PTPRO: variants seen among roughly 807,000 people sequenced by gnomAD.
PTPRO encodes receptor-type tyrosine-protein phosphatase O.
Under a neutral mutation model 145.2 loss-of-function variants are expected in PTPRO, and 62 were observed. The observed-to-expected ratio is 0.43, with a 90% CI of 0.35 to 0.53. PTPRO has a LOEUF of 0.53. Ranked by LOEUF, PTPRO falls within the 20% of genes least tolerant of loss-of-function variation. PTPRO has a pLI of 0.01. For missense variants in PTPRO, 1,345 were observed against 1,482.7 expected (o/e 0.91, Z 1.53); for synonymous variants, 565 against 514.7 (o/e 1.10, Z -1.32).
chr12:15,399,276 CAT>C (rs1398155740), intron 1 of PTPRO, among the ~76,000 whole-genome samples: 1 of 152,220 alleles, frequency 6.6e-6, no homozygotes, highest in Non-Finnish European at 1.5e-5. Context: ...GAGCTTTTTA[CAT>C]ATATTAACAT....
rs71042254 is a variant in PTPRO at position 15,467,409 on chromosome 12, A to AGTGTGTGTGTGTGT, written c.76-16556_76-16543dup. On this transcript the variant is annotated intron_variant, in intron 1 of 26. Transcript: ENST00000281171. ...CTTTTATGGTAGTGAGGTAGGGGTG[A>AGTGTGTGTGTGTGT]GTGTGTGTGTGTGTGTGTGTGTATG... 1.2e-3 allele frequency among the ~76,000 whole-genome samples: 179 copies of AGTGTGTGTGTGTGT among 150,102 alleles called. 2 individuals are homozygous for AGTGTGTGTGTGTGT. In the East Asian group the frequency reaches 0.026, roughly 22 times the overall value.
At chr12:15,454,172 C>A (rs1192727401) in intron 1 of PTPRO, among the ~76,000 whole-genome samples, 1 of 152,158 alleles carries the variant, frequency 6.6e-6, no homozygotes, top group Non-Finnish European at 1.5e-5. Flanking sequence ...ATAGATGCAG[C>A]ACCATTTTTC....
chr12:15,329,403 C>A (rs915991870), intron 1 of PTPRO, among the ~76,000 whole-genome samples: 5 of 152,212 alleles, frequency 3.3e-5, no homozygotes, highest in Admixed American at 2.6e-4. Context: ...TACTTACTTT[C>A]TGAATCAATA....
intron 7 of PTPRO, 53 bp from the exon 8 acceptor site, chr12:15,515,445 A>C (rs1352931740): frequency 6.2e-7 from 1 of 1,604,870 alleles, no homozygotes. Context: ...GCCTCTGTGT[A>C]ACATTCTGAA....
chr12:15,368,836 C>A (rs59484937), intron 1 of PTPRO, among the ~76,000 whole-genome samples: 1 of 152,030 alleles, frequency 6.6e-6, no homozygotes, highest in African/African-American at 2.4e-5. Context: ...TTAAGTGGAC[C>A]TGTTATATTT....
chr12:15,589,541 G>A lies in PTPRO; in HGVS notation c.3497G>A (p.Gly1166Glu). ...IRDHEFVDILGLVSEMRSYRM... is the reference protein window; with the variant it reads ...IRDHEFVDILELVSEMRSYRM... Reference sequence around the variant, plus strand: ...GATCATGAGTTTGTTGACATCTTAGGGCTGGTGTCAGAAATGAGGTCATAC... The same window carrying A: ...GATCATGAGTTTGTTGACATCTTAGAGCTGGTGTCAGAAATGAGGTCATAC... Residue 1166 changes from glycine (G) to glutamate (E), a missense_variant, in exon 25 of 27, where the codon GGG (glycine) becomes GAG (glutamate). Gly to Glu is a moderately conservative substitution (Grantham distance 98). Around this residue, in one of 3 missense-constraint regions of PTPRO, gnomAD observed 208 missense variants for 242.8 expected, o/e 0.86. Transcript: ENST00000281171. 2 of 1,614,076 alleles carry A rather than the reference G, an allele frequency of 1.2e-6. No homozygotes were observed. Among genetic ancestry groups the A allele is most frequent in the South Asian group, 2.2e-5 (2 of 91,068 alleles).
chr12:15,522,775 C>A (rs1167455376), intron 10 of PTPRO, among the ~76,000 whole-genome samples: 2 of 152,154 alleles, frequency 1.3e-5, no homozygotes, highest in Admixed American at 6.5e-5. Context: ...CAAATAGTGA[C>A]ATCTTGTGGC....
chr12:15,440,044 C>A, intron 1 of PTPRO: 5 of 651,924 alleles, frequency 7.7e-6, no homozygotes, highest in Non-Finnish European at 1.4e-5. Flanking sequence ...GTAACAAGAT[C>A]TGCAAGCCCC....
At chr12:15,383,036 C>T (rs1315850967) in intron 1 of PTPRO, among the ~76,000 whole-genome samples, 2 of 152,178 alleles carry the variant, frequency 1.3e-5, no homozygotes, top group Non-Finnish European at 2.9e-5. Flanking sequence ...ATAATCACCA[C>T]ACTGTGCAAT....
chr12:15,498,636 A>C lies in PTPRO; in HGVS notation c.509-806A>C, dbSNP rs11056526. Among the ~76,000 whole-genome samples, 792 of 149,432 alleles carry C rather than the reference A, an allele frequency of 5.3e-3. 54 individuals are homozygous for C. In the East Asian group the frequency reaches 0.14, roughly 26 times the overall value. Reference sequence around the variant, plus strand: ...TAAACTTTGAAAAAATCAAAGAAACACAAATTCCACAAAGTATTATGTTCT... The same window carrying C: ...TAAACTTTGAAAAAATCAAAGAAACCCAAATTCCACAAAGTATTATGTTCT... On this transcript the variant is annotated intron_variant, in intron 3 of 26. Transcript: ENST00000281171.
chr12:15,445,724 T>C (rs902478076), intron 1 of PTPRO, among the ~76,000 whole-genome samples: 1 of 152,150 alleles, frequency 6.6e-6, no homozygotes, highest in Non-Finnish European at 1.5e-5. Context: ...AGAAAAAAAA[T>C]TACTTCATTA....
chr12:15,455,459 A>G (rs779658548), intron 1 of PTPRO, among the ~76,000 whole-genome samples: 4 of 152,192 alleles, frequency 2.6e-5, no homozygotes, highest in Non-Finnish European at 5.9e-5. Flanking sequence ...TTTGAACAAT[A>G]TTAAGTCTTC....
At chr12:15,566,875 G>T (rs1943912922) in intron 18 of PTPRO, among the ~76,000 whole-genome samples, 1 of 152,144 alleles carries the variant, frequency 6.6e-6, no homozygotes, top group Admixed American at 6.5e-5. Flanking sequence ...AACTGATGTA[G>T]GAGAGATAAG....
chr12:15,488,155 T>C (rs982206435), intron 2 of PTPRO, among the ~76,000 whole-genome samples: 1 of 152,190 alleles, frequency 6.6e-6, no homozygotes, highest in African/African-American at 2.4e-5. Flanking sequence ...AGAAGTGATG[T>C]TGTCCTGGGG....
chr12:15,569,861 T>G lies in PTPRO; in HGVS notation c.2829+363T>G, dbSNP rs569258016. Among the ~76,000 whole-genome samples, 12 of 152,340 alleles carry G rather than the reference T, an allele frequency of 7.9e-5. No individual in the cohort carries two copies. In the East Asian group the frequency reaches 1.7e-3, roughly 22 times the overall value. On this transcript the variant is annotated intron_variant, in intron 19 of 26. Coordinates refer to ENST00000281171, the MANE Select transcript of PTPRO (RefSeq NM_030667.3). ...CCTTTCAGGGGATTTGTAGTGTTTC[T>G]CATGCTTCTTAGGCCACAGTAGTGG...
At chr12:15,413,183 C>A (rs1000205089) in intron 1 of PTPRO, among the ~76,000 whole-genome samples, 1 of 152,124 alleles carries the variant, frequency 6.6e-6, no homozygotes, top group Non-Finnish European at 1.5e-5. Context: ...CTCTGCCCCC[C>A]AGGTTCAAGC....
intron 10 of PTPRO, among the ~76,000 whole-genome samples, chr12:15,521,568 T>C (rs1306986290): frequency 6.6e-6 from 1 of 152,190 alleles, no homozygotes; most frequent in Non-Finnish European, 1.5e-5. Flanking sequence ...AGCTCAGATG[T>C]AACATCTCAA....
intron 9 of PTPRO, among the ~76,000 whole-genome samples, chr12:15,517,950 C>G (rs1337112180): frequency 6.6e-6 from 1 of 152,204 alleles, no homozygotes; most frequent in Non-Finnish European, 1.5e-5. Context: ...AGGATGGTGA[C>G]CCTCTTCTCA....
At chr12:15,396,397 C>T (rs1254197470) in intron 1 of PTPRO, among the ~76,000 whole-genome samples, 1 of 151,870 alleles carries the variant, frequency 6.6e-6, no homozygotes, top group Admixed American at 6.6e-5. Flanking sequence ...CTGATAAAAA[C>T]ATAAATTTCT....
Sources: allele counts gnomAD v4.1 joint callset (sites outside exome capture counted in the v4.1 genomes callset), GRCh38; gene constraint gnomAD v4.1.1; regional missense constraint gnomAD v4.1.1; transcripts MANE v1.5; gene names NCBI Gene and HGNC (gene_info 2026-07-23, HGNC 2026-07-21).